Variants in FAM13B observed in about 807,000 individuals in gnomAD.
FAM13B encodes protein FAM13B.
In FAM13B, 60 loss-of-function variants were observed where a neutral mutation model predicts 117.3. That is an observed-to-expected ratio of 0.51 (90% CI 0.42 to 0.63). The LOEUF is 0.63. Ranked by LOEUF, FAM13B falls within the 30% of genes least tolerant of loss-of-function variation. The pLI, the probability that FAM13B is intolerant of heterozygous loss-of-function variation, is 0.00. For missense variants in FAM13B, 972 were observed against 1,091.9 expected (o/e 0.89, Z 1.55); for synonymous variants, 332 against 356.1 (o/e 0.93, Z 0.76).
At chr5:138,046,842 G>A (rs1791653882) in intron 1 of FAM13B, among the ~76,000 whole-genome samples, 1 of 152,000 alleles carries the variant, frequency 6.6e-6, no homozygotes. Context: ...TGCCTCCCGG[G>A]TTCAAGGAAT....
chr5:138,027,653 T>A (rs1653627579), intron 1 of FAM13B, among the ~76,000 whole-genome samples: 1 of 152,222 alleles, frequency 6.6e-6, no homozygotes, highest in African/African-American at 2.4e-5. Context: ...TGAACGAATG[T>A]CTCAATAGTG....
rs1400048017 is a variant in FAM13B, at chr5:138,044,396, A to T, written c.-203+7482T>A. On this transcript the variant is annotated intron_variant, in intron 1 of 3. Transcript: ENST00000502471. The stretch of plus-strand genomic sequence containing the variant: ...GTGAAACCCAGTCTCTAATAAAAAT[A>T]CAAAAATTAGCCAGGCATGGTGGCA... Among the ~76,000 whole-genome samples the T allele has an allele frequency of 2.0e-5, 3 of 152,248 alleles. No individual in the cohort carries two copies. In the East Asian group the frequency reaches 5.8e-4, roughly 29 times the overall value.
At chr5:137,988,089 T>G (rs1777685018) in intron 8 of FAM13B, among the ~76,000 whole-genome samples, 185 bp downstream of exon 8, 1 of 152,222 alleles carries the variant, frequency 6.6e-6, no homozygotes, top group South Asian at 2.1e-4. Flanking sequence ...AAGCTCATCT[T>G]TATTTTGTAT....
intron 1 of FAM13B, among the ~76,000 whole-genome samples, chr5:138,022,641 A>G (rs534220875): frequency 2.0e-5 from 3 of 152,312 alleles, no homozygotes; most frequent in African/African-American, 7.2e-5. Context: ...AGTTAACTTC[A>G]GAGATAAGTT....
At chr5:138,043,381 A>C (rs1303878937) in intron 1 of FAM13B, among the ~76,000 whole-genome samples, 1 of 151,972 alleles carries the variant, frequency 6.6e-6, no homozygotes, top group Non-Finnish European at 1.5e-5. Context: ...AATAATAAAT[A>C]AGAATAAATT....
upstream of FAM13B, chr5:138,033,177 T>A: frequency 2.1e-6 from 1 of 481,454 alleles, no homozygotes; most frequent in Non-Finnish European, 2.7e-6. Flanking sequence ...CCCACAGCAT[T>A]CCGGGCAGCG....
chr5:138,012,216 CTTT>C (rs36054299), intron 4 of FAM13B, among the ~76,000 whole-genome samples: 1 of 121,758 alleles, frequency 8.2e-6, no homozygotes, highest in Non-Finnish European at 1.7e-5. Flanking sequence ...CCCCAATTCT[CTTT>C]TTTTTTTTTT....
chr5:137,987,273 T>C (rs1325396125), intron 9 of FAM13B, among the ~76,000 whole-genome samples, 188 bp downstream of exon 9: 1 of 151,876 alleles, frequency 6.6e-6, no homozygotes, highest in South Asian at 2.1e-4. Context: ...ACATATATTA[T>C]GAAAAAAGTG....
intron 4 of FAM13B, among the ~76,000 whole-genome samples, chr5:138,013,024 C>T (rs1051059645): frequency 1.3e-5 from 2 of 150,420 alleles, no homozygotes; most frequent in African/African-American, 2.5e-5. Context: ...GGCAACATCA[C>T]GAAACCCCGT....
chr5:137,999,881 C>T (rs554030855), intron 7 of FAM13B, among the ~76,000 whole-genome samples: 100 of 152,096 alleles, frequency 6.6e-4, no homozygotes, highest in African/African-American at 2.3e-3. Flanking sequence ...TCATGAGGAC[C>T]CCACCCCCAT....
chr5:137,996,822 A>C (rs1484797897), intron 7 of FAM13B, among the ~76,000 whole-genome samples: 7 of 151,982 alleles, frequency 4.6e-5, no homozygotes, highest in Non-Finnish European at 1.0e-4. Context: ...CGAACTCCTG[A>C]TGACCTCGTG....
At chr5:137,953,934 C>T (rs1026650937) in intron 15 of FAM13B, among the ~76,000 whole-genome samples, 14 of 152,088 alleles carry the variant, frequency 9.2e-5, no homozygotes, top group Non-Finnish European at 1.9e-4. Flanking sequence ...AAACGCTACA[C>T]CTCACTGAAC....
chr5:138,011,050 C>G lies in FAM13B; in HGVS notation c.648G>C (p.Glu216Asp). The change falls in exon 6 of 24, where the codon GAG becomes GAC. Residue 216 changes from glutamate (E) to aspartate (D), a missense_variant. By Grantham distance (45) the Glu-to-Asp change is conservative (BLOSUM62 2). Coordinates refer to ENST00000689681, the MANE Select transcript of FAM13B (RefSeq NM_001385994.1). ...TCAAATCATTAGATGAAAAATCTTC[C>G]TCTTCATTCTCAAAAAACTCATAGT... ...ENYYEFFENE[E>D]EDFSSNDLSS... The G allele has an allele frequency of 6.2e-7, 1 of 1,607,802 alleles. No individual in the cohort carries two copies. Among genetic ancestry groups the G allele is most frequent in the African/African-American group, 1.3e-5 (1 of 74,612 alleles).
chr5:137,991,770 T>C (rs753561358), intron 7 of FAM13B, among the ~76,000 whole-genome samples: 1 of 152,032 alleles, frequency 6.6e-6, no homozygotes, highest in African/African-American at 2.4e-5. Flanking sequence ...AGAGATAAAA[T>C]CAATTCTGGG....
intron 7 of FAM13B, among the ~76,000 whole-genome samples, chr5:137,991,291 C>T (rs1477132165): frequency 6.6e-6 from 1 of 152,108 alleles, no homozygotes; most frequent in Admixed American, 6.6e-5. Context: ...ATCATTGGTG[C>T]TCATTAAGAT....
At chr5:137,940,412 G>T in intron 23 of FAM13B, 64 bp from the exon 24 acceptor site, 4 of 1,120,246 alleles carry the variant, frequency 3.6e-6, no homozygotes, top group Non-Finnish European at 3.9e-6. Flanking sequence ...TCCAAAAGTT[G>T]TCTTAATATG....
intron 2 of FAM13B, 50 bp downstream of exon 2, chr5:138,020,981 A>G: frequency 1.7e-6 from 2 of 1,202,326 alleles, no homozygotes; most frequent in Non-Finnish European, 2.1e-6. Flanking sequence ...AAGTTCCAAA[A>G]TCTCTATGGA....
chr5:138,037,748 G>A (rs1409195274), upstream of FAM13B, among the ~76,000 whole-genome samples: 1 of 152,154 alleles, frequency 6.6e-6, no homozygotes, highest in Non-Finnish European at 1.5e-5. Context: ...CTTGAGTTCA[G>A]TCAAGGCTGC....
At chr5:138,051,354 AAC>A (rs1791793852) in intron 1 of FAM13B, among the ~76,000 whole-genome samples, 2 of 152,238 alleles carry the variant, frequency 1.3e-5, no homozygotes. Flanking sequence ...ATTAAAGAAT[AAC>A]ACAGTTAAAA....
Sources: gnomAD v4.1 joint callset for allele counts (sites outside exome capture counted in the v4.1 genomes callset) on GRCh38, gnomAD v4.1.1 for gene constraint, MANE v1.5 for transcripts, NCBI Gene and HGNC (gene_info 2026-07-23, HGNC 2026-07-21) for gene names.